Variants in MAPRE2 observed in about 807,000 individuals in gnomAD.
The protein encoded by MAPRE2 is microtubule-associated protein RP/EB family member 2.
MAPRE2 carries 13 observed loss-of-function variants against 43.2 expected under a neutral mutation model. That is an observed-to-expected ratio of 0.30 (90% CI 0.20 to 0.48). MAPRE2 has a LOEUF of 0.48. Ranked by LOEUF, MAPRE2 falls within the 20% of genes least tolerant of loss-of-function variation. The probability of loss-of-function intolerance (pLI) is 0.99; values close to 1 mark genes in which losing one functional copy is unlikely to be tolerated. For missense variants in MAPRE2, 161 were observed against 400.2 expected, an observed-to-expected ratio of 0.40 and a Z score of 5.10; for synonymous variants, 135 against 148.8, an observed-to-expected ratio of 0.91 and a Z score of 0.68.
chr18:35,112,806 A>C lies in MAPRE2; in HGVS notation c.610+10647A>C, dbSNP rs192092232. On this transcript the variant is annotated intron_variant, in intron 4 of 6. Transcript: ENST00000300249. Reference sequence around the variant, plus strand: ...TACATTTTAGTCTGTTCAGGCTTCTATAACAAAATGCCATAAACTAGGTAG... The same window carrying C: ...TACATTTTAGTCTGTTCAGGCTTCTCTAACAAAATGCCATAAACTAGGTAG... 3.5e-3 allele frequency among the ~76,000 whole-genome samples: 529 copies of C among 152,360 alleles called. 1 individual carries two copies. Among genetic ancestry groups the C allele is most frequent in the African/African-American group, 0.012 (506 of 41,584 alleles).
chr18:35,032,340 G>C (rs1363044106), intron 2 of MAPRE2, among the ~76,000 whole-genome samples: 1 of 152,086 alleles, frequency 6.6e-6, no homozygotes, highest in Non-Finnish European at 1.5e-5. Flanking sequence ...TTTTTAACCT[G>C]AAAAAAGGCA....
At chr18:35,112,930 C>T (rs1023130225) in intron 4 of MAPRE2, among the ~76,000 whole-genome samples, 2 of 152,194 alleles carry the variant, frequency 1.3e-5, no homozygotes, top group African/African-American at 4.8e-5. Context: ...AGAGCCTGGT[C>T]CACATACATG....
At chr18:35,132,890 C>G (rs1910223899) in intron 6 of MAPRE2, among the ~76,000 whole-genome samples, 1 of 152,088 alleles carries the variant, frequency 6.6e-6, no homozygotes, top group South Asian at 2.1e-4. Context: ...GGCAAGGCAC[C>G]CCGGGTCTGC....
At chr18:35,076,256 C>A (rs899002421) in intron 2 of MAPRE2, among the ~76,000 whole-genome samples, 9 of 152,322 alleles carry the variant, frequency 5.9e-5, no homozygotes, top group Admixed American at 3.9e-4. Flanking sequence ...AAAACATAGT[C>A]ATTGCCCTCA....
chr18:35,046,432 A>G (rs1388395993), intron 1 of MAPRE2, among the ~76,000 whole-genome samples: 3 of 152,220 alleles, frequency 2.0e-5, no homozygotes, highest in Admixed American at 1.3e-4. Flanking sequence ...GCTAAAAGAC[A>G]CTGAGAGAAA....
chr18:35,080,982 C>A (rs765307926), intron 2 of MAPRE2, among the ~76,000 whole-genome samples: 27 of 152,132 alleles, frequency 1.8e-4, no homozygotes, highest in Non-Finnish European at 3.5e-4. Flanking sequence ...GAAACTAATG[C>A]GAGTCCTGTT....
chr18:35,124,916 G>T (rs1054495193), intron 4 of MAPRE2, among the ~76,000 whole-genome samples: 2 of 152,078 alleles, frequency 1.3e-5, no homozygotes, highest in Non-Finnish European at 2.9e-5. Flanking sequence ...TTCCAGGAGT[G>T]TTTTATATGG....
At chr18:35,101,913 G>A in intron 3 of MAPRE2, 33 bp from the exon 4 acceptor site, 2 of 1,503,952 alleles carry the variant, frequency 1.3e-6, no homozygotes, top group Non-Finnish European at 1.8e-6. Context: ...CAAACGTGAG[G>A]TTTGTAACTC....
chr18:35,029,379 T>A (rs1029623128), intron 2 of MAPRE2, among the ~76,000 whole-genome samples: 1 of 152,156 alleles, frequency 6.6e-6, no homozygotes, highest in Non-Finnish European at 1.5e-5. Flanking sequence ...ACACCAGACT[T>A]GACAGAGAAG....
intron 1 of MAPRE2, among the ~76,000 whole-genome samples, chr18:35,057,262 G>A (rs966997334): frequency 3.9e-5 from 6 of 152,036 alleles, no homozygotes; most frequent in Non-Finnish European, 8.8e-5. Flanking sequence ...TGATCAACCC[G>A]CCTCAGCCTC....
chr18:35,003,217 C>T (rs915773732), intron 1 of MAPRE2, among the ~76,000 whole-genome samples: 2 of 152,162 alleles, frequency 1.3e-5, no homozygotes, highest in African/African-American at 4.8e-5. Context: ...TTCTTGAGCA[C>T]CTACCACATG....
intron 2 of MAPRE2, among the ~76,000 whole-genome samples, chr18:35,009,745 C>T (rs891811669): frequency 6.6e-6 from 1 of 152,170 alleles, no homozygotes; most frequent in Non-Finnish European, 1.5e-5. Flanking sequence ...GGAAGTAAAT[C>T]ACTAAAAATT....
chr18:35,087,300 A>T (rs898385705), intron 2 of MAPRE2, among the ~76,000 whole-genome samples: 1 of 152,134 alleles, frequency 6.6e-6, no homozygotes, highest in Non-Finnish European at 1.5e-5. Flanking sequence ...AATCTTGTAG[A>T]CCTTCACAAT....
intron 2 of MAPRE2, 84 bp from the exon 3 acceptor site, chr18:35,097,362 G>A: frequency 1.6e-6 from 2 of 1,289,466 alleles, no homozygotes; most frequent in Non-Finnish European, 2.2e-6. Flanking sequence ...TGCCTGTAAG[G>A]ACAATCCCCT....
intron 1 of MAPRE2, among the ~76,000 whole-genome samples, chr18:35,044,795 A>G (rs1397112251): frequency 6.6e-6 from 1 of 152,208 alleles, no homozygotes; most frequent in Non-Finnish European, 1.5e-5. Context: ...TTAATGGGCA[A>G]GCAGTCACTC....
upstream of MAPRE2, among the ~76,000 whole-genome samples, chr18:35,039,077 A>G (rs1432216051): frequency 6.6e-6 from 1 of 152,226 alleles, no homozygotes; most frequent in Non-Finnish European, 1.5e-5. Flanking sequence ...AATTCTGACA[A>G]ATTTAGTCCC....
intron 1 of MAPRE2, among the ~76,000 whole-genome samples, chr18:35,053,904 T>C (rs1906082432): frequency 1.3e-5 from 2 of 152,110 alleles, no homozygotes; most frequent in South Asian, 4.1e-4. Flanking sequence ...TTTACCTATA[T>C]AACAAACCTT....
intron 2 of MAPRE2, among the ~76,000 whole-genome samples, chr18:35,030,009 G>A (rs879918991): frequency 2.6e-5 from 4 of 152,232 alleles, no homozygotes; most frequent in Non-Finnish European, 5.9e-5. Context: ...AATGGACATT[G>A]CTAGCTGACG....
At chr18:34,991,212 C>T (rs964441910) in intron 1 of MAPRE2, among the ~76,000 whole-genome samples, 4 of 152,260 alleles carry the variant, frequency 2.6e-5, no homozygotes, top group Non-Finnish European at 4.4e-5. Flanking sequence ...CTCTCTCTCT[C>T]CCAATTCCCT....
Sources: gnomAD v4.1 joint callset for allele counts (sites outside exome capture counted in the v4.1 genomes callset) on GRCh38, gnomAD v4.1.1 for gene constraint, MANE v1.5 for transcripts, NCBI Gene and HGNC (gene_info 2026-07-23, HGNC 2026-07-21) for gene names.